Variants in RBFOX1 observed in about 807,000 individuals in gnomAD.
The protein encoded by RBFOX1 is RNA binding protein fox-1 homolog 1.
A neutral mutation model predicts 57.7 loss-of-function variants in RBFOX1; 8 were observed. That is an observed-to-expected ratio of 0.14 (90% CI 0.08 to 0.25). The LOEUF is 0.25. RBFOX1 is among the 10% of genes least tolerant of loss of function. The probability of loss-of-function intolerance (pLI) is 1.00; values close to 1 mark genes in which losing one functional copy is unlikely to be tolerated. For synonymous variants in RBFOX1, 326 were observed against 222.4 expected (o/e 1.47, Z -4.15); for missense variants, 611 against 548.5 (o/e 1.11, Z -1.14).
intron 2 of RBFOX1, among the ~76,000 whole-genome samples, chr16:5,483,074 C>T (rs189733111): frequency 6.6e-5 from 10 of 152,278 alleles, no homozygotes; most frequent in East Asian, 3.9e-4. Flanking sequence ...CACAGAGTGC[C>T]TTTAAGTCTG....
At chr16:7,201,230 C>G (rs1259380377) in intron 4 of RBFOX1, among the ~76,000 whole-genome samples, 1 of 152,104 alleles carries the variant, frequency 6.6e-6, no homozygotes, top group Non-Finnish European at 1.5e-5. Flanking sequence ...ACATCCCAAA[C>G]CAAAGGAATG....
At chr16:5,366,729 T>C (rs939022601) in intron 1 of RBFOX1, 9 of 354,652 alleles carry the variant, frequency 2.5e-5, no homozygotes, top group Non-Finnish European at 4.8e-5. Flanking sequence ...TTTTCCATCT[T>C]ATTTCATTCC....
At position 7,710,425 on chromosome 16, in the gene RBFOX1, A is replaced by G. The variant is rs367797616; in HGVS notation, c.1072-198A>G. 195 of 1,398,878 alleles carry G rather than the reference A, an allele frequency of 1.4e-4. No individual in the cohort carries two copies. The East Asian group carries it at 4.5e-3, about 32-fold the overall frequency. 86.7% of individuals were successfully genotyped at this position (1,398,878 alleles called of 1,614,324 possible). ...GCTGACAGAATTTGGTTTTGCAGGGAATTTCTTTAGGAGGAGCTATTGGGG... is the reference window on the plus strand; with the variant it reads ...GCTGACAGAATTTGGTTTTGCAGGGGATTTCTTTAGGAGGAGCTATTGGGG... On this transcript the variant is annotated intron_variant, in intron 15 of 15. Coordinates refer to ENST00000550418, the MANE Select transcript of RBFOX1 (RefSeq NM_018723.4).
intron 1 of RBFOX1, among the ~76,000 whole-genome samples, chr16:6,098,189 C>A (rs972740974): frequency 6.6e-5 from 10 of 152,212 alleles, no homozygotes; most frequent in Non-Finnish European, 1.5e-4. Context: ...TAATCTTCCC[C>A]ACCCTGGGAG....
At chr16:6,861,832 T>TG (rs2059066643) in intron 3 of RBFOX1, among the ~76,000 whole-genome samples, 1 of 149,688 alleles carries the variant, frequency 6.7e-6, no homozygotes, top group African/African-American at 2.5e-5. Flanking sequence ...GGTTTTTTTT[T>TG]TTTTTTTTTT....
intron 3 of RBFOX1, among the ~76,000 whole-genome samples, chr16:5,774,846 C>G (rs1381994311): frequency 1.3e-5 from 2 of 152,164 alleles, no homozygotes; most frequent in African/African-American, 2.4e-5. Flanking sequence ...CCACACCTAG[C>G]TAATTTTTGT....
At chr16:5,280,450 A>T (rs2063243867) in intron 1 of RBFOX1, among the ~76,000 whole-genome samples, 1 of 152,246 alleles carries the variant, frequency 6.6e-6, no homozygotes, top group East Asian at 1.9e-4. Flanking sequence ...CTGGCCTTAT[A>T]CAATGAGTTA....
chr16:7,267,823 T>C (rs1410039723), intron 4 of RBFOX1, among the ~76,000 whole-genome samples: 3 of 152,216 alleles, frequency 2.0e-5, no homozygotes, highest in Non-Finnish European at 4.4e-5. Context: ...GCCACTGCAC[T>C]CCAGCCGGGG....
chr16:5,498,172 T>C (rs1186367242), intron 2 of RBFOX1, among the ~76,000 whole-genome samples: 2 of 152,174 alleles, frequency 1.3e-5, no homozygotes, highest in East Asian at 1.9e-4. Flanking sequence ...ACAGAGTTTT[T>C]GCTCTTGTTG....
chr16:5,777,197 C>T (rs2054176270), intron 3 of RBFOX1, among the ~76,000 whole-genome samples: 1 of 152,180 alleles, frequency 6.6e-6, no homozygotes, highest in African/African-American at 2.4e-5. Context: ...TCCAGGGGAA[C>T]ATGAATTTCC....
chr16:6,476,208 C>G (rs996934497), intron 2 of RBFOX1, among the ~76,000 whole-genome samples: 1 of 152,078 alleles, frequency 6.6e-6, no homozygotes, highest in African/African-American at 2.4e-5. Context: ...ATAATAAGCA[C>G]CTATAATCTC....
intron 4 of RBFOX1, among the ~76,000 whole-genome samples, chr16:7,386,521 C>T (rs573794541): frequency 4.7e-4 from 72 of 152,092 alleles, no homozygotes; most frequent in African/African-American, 1.4e-3. Flanking sequence ...TGATGGTTTC[C>T]ACCTTCATCC....
At chr16:7,137,408 A>G (rs886073042) in intron 4 of RBFOX1, among the ~76,000 whole-genome samples, 7 of 152,160 alleles carry the variant, frequency 4.6e-5, no homozygotes, top group Admixed American at 1.3e-4. Context: ...TTCTCGTGGT[A>G]GCGAGTAAGT....
In RBFOX1 at chr16:7,654,640, G is replaced by GAA. The variant is rs200225285; in HGVS notation, c.890+703_890+704dup. 3.8e-3 allele frequency among the ~76,000 whole-genome samples: 573 copies of GAA among 149,472 alleles called. 5 individuals are homozygous for GAA. The highest frequency in any genetic ancestry group is 0.014 in the African/African-American group (553 of 40,788). On this transcript the variant is annotated intron_variant, in intron 12 of 15. Coordinates refer to ENST00000550418, the MANE Select transcript of RBFOX1 (RefSeq NM_018723.4). ...GGAATGGTGTGAATGCTCAGTAAAA[G>GAA]AAAAAAAAAAATGATACTGGTGTGT...
intron 1 of RBFOX1, among the ~76,000 whole-genome samples, chr16:6,086,657 T>A (rs374111545): frequency 6.6e-6 from 1 of 152,206 alleles, no homozygotes; most frequent in African/African-American, 2.4e-5. Flanking sequence ...ATCAGGGAGA[T>A]GATTTACTGT....
Position 7,333,070 on chromosome 16 carries a change from C to T in RBFOX1, c.28-185077C>T, listed in dbSNP as rs1378405539. 1.2e-6 allele frequency: 2 copies of T among 1,613,880 alleles called. No homozygotes were observed. The highest frequency in any genetic ancestry group is 1.7e-5 in the Admixed American group (1 of 59,998). ...CTATGATTGTACCGGCAGCTCCTTA[C>T]CTTCCTGGACTGATTCAGGTAATTC... On this transcript the variant is annotated intron_variant, in intron 4 of 15. Coordinates refer to ENST00000550418, the MANE Select transcript of RBFOX1 (RefSeq NM_018723.4).
intron 3 of RBFOX1, among the ~76,000 whole-genome samples, chr16:7,000,873 A>G (rs140550851): frequency 6.6e-6 from 1 of 151,984 alleles, no homozygotes; most frequent in East Asian, 1.9e-4. Flanking sequence ...AAGTGCTGGG[A>G]TTACAGGCGT....
At position 6,293,596 on chromosome 16, in the gene RBFOX1, GA is replaced by G. The variant is rs1180286159; in HGVS notation, c.-126-23398del. Among the ~76,000 whole-genome samples, 3 of 152,220 alleles carry G rather than the reference GA, an allele frequency of 2.0e-5. No individual in the cohort carries two copies. The East Asian group carries it at 5.8e-4, about 29-fold the overall frequency. ...AGCAATAAACATCTGTGAGGTAGAT[GA>G]TTATGTGATACCTTATGCCGTATCT... On this transcript the variant is annotated intron_variant, in intron 1 of 15. Transcript: ENST00000550418.
At chr16:7,361,649 A>AG (rs1291401702) in intron 4 of RBFOX1, among the ~76,000 whole-genome samples, 1 of 152,226 alleles carries the variant, frequency 6.6e-6, no homozygotes, top group East Asian at 1.9e-4. Context: ...GGGAGACAGC[A>AG]GGGAAGGATG....
Sources: allele counts gnomAD v4.1 joint callset (sites outside exome capture counted in the v4.1 genomes callset), GRCh38; gene constraint gnomAD v4.1.1; transcripts MANE v1.5; gene names NCBI Gene and HGNC (gene_info 2026-07-23, HGNC 2026-07-21).